The following RNF8 variants were observed in gnomAD, a reference collection of about 807,000 sequenced individuals.
The protein encoded by RNF8 is ring finger protein 8, also known as E3 ubiquitin-protein ligase RNF8.
RNF8 carries 8 observed loss-of-function variants against 59.3 expected under a neutral mutation model. That is an observed-to-expected ratio of 0.13 (90% CI 0.08 to 0.24). The LOEUF is 0.24. Among genes scored for constraint, RNF8 ranks in the 10% least tolerant of loss-of-function variants. The pLI is 1.00. For missense variants in RNF8, 406 were observed against 572.6 expected (o/e 0.71, Z 2.97); for synonymous variants, 162 against 200.0 (o/e 0.81, Z 1.60).
chr6:37,367,397 TTTTTA>T (rs1044945434), intron 2 of RNF8, among the ~76,000 whole-genome samples: 4 of 152,120 alleles, frequency 2.6e-5, no homozygotes, highest in African/African-American at 9.7e-5. Context: ...TAAAAGTAAA[TTTTTA>T]TTTTATTTTA....
chr6:37,376,803 G>A, intron 5 of RNF8, 123 bp from the exon 6 acceptor site: 1 of 659,552 alleles, frequency 1.5e-6, no homozygotes, highest in African/African-American at 1.8e-5. Context: ...TCTTAATGTT[G>A]CTGCACCAGA....
At chr6:37,386,846 A>G (rs1770525733) in intron 7 of RNF8, among the ~76,000 whole-genome samples, 1 of 152,174 alleles carries the variant, frequency 6.6e-6, no homozygotes, top group Non-Finnish European at 1.5e-5. Flanking sequence ...GTTCATTGCT[A>G]TTTCCCACAG....
At chr6:37,376,032 C>G (rs772574679) in intron 5 of RNF8, among the ~76,000 whole-genome samples, 2 of 152,184 alleles carry the variant, frequency 1.3e-5, no homozygotes, top group East Asian at 1.9e-4. Flanking sequence ...ATTCAAGAGG[C>G]CTGTCTCCAG....
chr6:37,357,105 G>A (rs1769149306), intron 1 of RNF8, among the ~76,000 whole-genome samples: 1 of 152,190 alleles, frequency 6.6e-6, no homozygotes, highest in Non-Finnish European at 1.5e-5. Context: ...TCTTAGTGAA[G>A]GTGGGCAAAG....
intron 7 of RNF8, among the ~76,000 whole-genome samples, chr6:37,381,885 G>GC (rs1770280947): frequency 6.6e-6 from 1 of 152,152 alleles, no homozygotes; most frequent in African/African-American, 2.4e-5. Context: ...AGCCTCTTAT[G>GC]CCCAAGGAAG....
chr6:37,359,242 T>C (rs1419479168), intron 1 of RNF8: 1 of 452,448 alleles, frequency 2.2e-6, no homozygotes, highest in East Asian at 7.0e-5. Flanking sequence ...CTGGGGCTTC[T>C]TTTCAACCTT....
chr6:37,355,342 C>T (rs1769073210), intron 1 of RNF8, among the ~76,000 whole-genome samples: 1 of 152,182 alleles, frequency 6.6e-6, no homozygotes, highest in East Asian at 1.9e-4. Flanking sequence ...TTTTGAGTCT[C>T]ATGTGTGTTC....
chr6:37,354,022 G>C lies in RNF8; in HGVS notation c.-143G>C, dbSNP rs13192676. 1.3e-6 allele frequency: 1 copy of C among 751,422 alleles called. No individual in the cohort carries two copies. The highest frequency in any genetic ancestry group is 1.8e-5 in the African/African-American group (1 of 56,688). 46.5% of individuals were successfully genotyped at this position (751,422 alleles called of 1,614,324 possible). On this transcript the variant is annotated 5_prime_UTR_variant, in exon 1 of 8. Coordinates refer to ENST00000373479, the MANE Select transcript of RNF8 (RefSeq NM_003958.4). ...TCCTGGCCGAGGGCGGGCGAGCGGA[G>C]CCTGCTTTCGCAGCGATCGCGAGCG...
chr6:37,373,843 G>GAATAATATCTTTTCAA (rs1296402507), intron 4 of RNF8, among the ~76,000 whole-genome samples: 17 of 152,150 alleles, frequency 1.1e-4, no homozygotes, highest in Non-Finnish European at 2.4e-4. Context: ...TTTGGTTCTT[G>GAATAATATCTTTTCAA]AATAATATCT....
chr6:37,367,671 T>G lies in RNF8; in HGVS notation c.241-813T>G, dbSNP rs559813851. Among the ~76,000 whole-genome samples, 477 of 152,330 alleles carry G rather than the reference T, an allele frequency of 3.1e-3. 1 individual carries two copies. The highest frequency in any genetic ancestry group is 5.0e-3 in the Non-Finnish European group (341 of 68,032). ...CGCACACCTCGGCCTCTCAAAGTGCTGAGATTACAGATGTAAGCTGCCACT... is the reference window on the plus strand; with the variant it reads ...CGCACACCTCGGCCTCTCAAAGTGCGGAGATTACAGATGTAAGCTGCCACT... On this transcript the variant is annotated intron_variant, in intron 2 of 7. Coordinates refer to ENST00000373479, the MANE Select transcript of RNF8 (RefSeq NM_003958.4).
intron 1 of RNF8, among the ~76,000 whole-genome samples, chr6:37,356,118 A>T (rs1267476470): frequency 6.6e-6 from 1 of 152,138 alleles, no homozygotes; most frequent in Non-Finnish European, 1.5e-5. Flanking sequence ...GAAGACTATA[A>T]AGCAGTCTTA....
chr6:37,380,393 G>A (rs1285510871), intron 6 of RNF8, among the ~76,000 whole-genome samples: 1 of 152,002 alleles, frequency 6.6e-6, no homozygotes, highest in Non-Finnish European at 1.5e-5. Context: ...AACCCAGGCC[G>A]GGCTTGGTGG....
intron 7 of RNF8, among the ~76,000 whole-genome samples, chr6:37,386,697 G>A (rs917075684): frequency 3.3e-5 from 5 of 152,194 alleles, no homozygotes; most frequent in Non-Finnish European, 7.3e-5. Flanking sequence ...GCCATGGTGG[G>A]ATCCCATCGC....
chr6:37,386,331 G>A (rs943779830), intron 7 of RNF8, among the ~76,000 whole-genome samples: 2 of 152,094 alleles, frequency 1.3e-5, no homozygotes, highest in African/African-American at 2.4e-5. Context: ...TGTGATTTCC[G>A]AATGGTCCTT....
chr6:37,355,664 T>C (rs1427387009), intron 1 of RNF8, among the ~76,000 whole-genome samples: 5 of 152,122 alleles, frequency 3.3e-5, no homozygotes, highest in African/African-American at 9.7e-5. Flanking sequence ...TTATAAAGGG[T>C]TACTTGTATG....
At chr6:37,387,741 C>G (rs1346415255) in intron 7 of RNF8, among the ~76,000 whole-genome samples, 1 of 152,192 alleles carries the variant, frequency 6.6e-6, no homozygotes, top group Non-Finnish European at 1.5e-5. Context: ...AACTTTTGCT[C>G]TAAGTGCAGG....
Position 37,360,298 on chromosome 6 carries a change from G to T in RNF8, c.112-148G>T, listed in dbSNP as rs992411952. The T allele has an allele frequency of 2.2e-5, 17 of 775,678 alleles. No homozygotes were observed. Among genetic ancestry groups the T allele is most frequent in the Non-Finnish European group, 3.6e-5 (17 of 466,524 alleles). The allele number at this position is 775,678 out of a possible 1,614,324, so 48.0% of individuals were successfully genotyped here. Reference sequence around the variant, plus strand: ...GGTGGTTCTCAAGACAGCTGAAGAGGAGATAGCTGATGCACTGTTTTGGTT... The same window carrying T: ...GGTGGTTCTCAAGACAGCTGAAGAGTAGATAGCTGATGCACTGTTTTGGTT... On this transcript the variant is annotated intron_variant, in intron 1 of 7. Transcript: ENST00000373479. This position sits in a 1 kb window ranked among gnomAD's most constrained non-coding sequence, Gnocchi z 4.2.
chr6:37,389,699 G>T (rs765351885), intron 7 of RNF8, among the ~76,000 whole-genome samples: 1 of 151,928 alleles, frequency 6.6e-6, no homozygotes, highest in Non-Finnish European at 1.5e-5. Flanking sequence ...GAAGAGTATC[G>T]TGGGGGGGTG....
At chr6:37,363,026 C>T (rs1387467503) in intron 2 of RNF8, among the ~76,000 whole-genome samples, 2 of 152,154 alleles carry the variant, frequency 1.3e-5, no homozygotes, top group Non-Finnish European at 2.9e-5. Flanking sequence ...GTTTTAAAGT[C>T]ACAGTATGAA....
Sources: gnomAD v4.1 joint callset for allele counts (sites outside exome capture counted in the v4.1 genomes callset) on GRCh38, gnomAD v4.1.1 for gene constraint, Gnocchi (gnomAD v3.1) non-coding constraint, MANE v1.5 for transcripts, NCBI Gene and HGNC (gene_info 2026-07-23, HGNC 2026-07-21) for gene names.